The following F5 variants were observed in gnomAD, a reference collection of about 807,000 sequenced individuals.
F5 encodes the protein coagulation factor V.
A neutral mutation model predicts 216.4 loss-of-function variants in F5; 138 were observed. The ratio of observed to expected loss-of-function variants is 0.64; its 90% CI spans 0.56 to 0.73. The LOEUF is 0.73. F5 is among the 30% of genes least tolerant of loss of function. The pLI is 0.00. For missense variants in F5, 2,403 were observed against 2,674.0 expected, an observed-to-expected ratio of 0.90 and a Z score of 2.24; for synonymous variants, 916 against 930.7, an observed-to-expected ratio of 0.98 and a Z score of 0.29.
chr1:169,581,053 G>A (rs1660975149), intron 2 of F5, among the ~76,000 whole-genome samples: 1 of 152,152 alleles, frequency 6.6e-6, no homozygotes, highest in African/African-American at 2.4e-5. Context: ...AGGGAAAGTG[G>A]CTTCTGGGTA....
intron 18 of F5, 151 bp from the exon 19 acceptor site, chr1:169,525,059 A>C: frequency 1.5e-6 from 1 of 654,146 alleles, no homozygotes; most frequent in South Asian, 1.9e-5. Context: ...TCTGATTATA[A>C]AATGGTAAAT....
Position 169,518,503 on chromosome 1 carries a change from G to A in F5, c.6254C>T (p.Ser2085Phe). ...GKIENKQITA[S>F]SFKKSWWGDY... ...TCCCCACCAAGATTTCTTAAACGAA[G>A]AAGCTGTGATTTGCTTGTTTTCTAT... is the stretch of plus-strand genomic sequence containing the variant. The change falls in exon 23 of 25, where the codon TCT becomes TTT. Residue 2085 changes from serine (S) to phenylalanine (F), a missense_variant. Ser to Phe is a radical substitution (Grantham distance 155, BLOSUM62 -2). Transcript: ENST00000367797. 1 of 1,613,902 alleles carries A rather than the reference G, an allele frequency of 6.2e-7. No homozygotes were observed. Among genetic ancestry groups the A allele is most frequent in the African/African-American group, 1.3e-5 (1 of 75,012 alleles).
rs60015398 is a variant in F5 at position 169,550,288 on chromosome 1, A to ACCC, written c.1397-276_1397-274dup. ...AATGCTATCCCTCCCCCCGCCCCCC[A>ACCC]CCCCCCCCCCCCGACAGGCCCCGGT... On this transcript the variant is annotated intron_variant, in intron 9 of 24. Coordinates refer to ENST00000367797, the MANE Select transcript of F5 (RefSeq NM_000130.5). 2.2e-4 allele frequency among the ~76,000 whole-genome samples: 16 copies of ACCC among 72,254 alleles called. No individual in the cohort carries two copies. The South Asian group carries it at 2.8e-3, about 13-fold the overall frequency. The allele number at this position is 72,254 out of a possible 152,430, so 47.4% of individuals were successfully genotyped here. A position where few individuals can be genotyped will look rare whatever the true frequency, so the allele number is the denominator to read the frequency against.
chr1:169,546,959 T>A, intron 10 of F5, among the ~76,000 whole-genome samples: 1 of 114,714 alleles, frequency 8.7e-6, no homozygotes, highest in African/African-American at 3.3e-5. Flanking sequence ...GCAAAACCCG[T>A]CTCTACTAAA....
chr1:169,531,831 G>C lies in F5; in HGVS notation c.4972-809C>G, dbSNP rs79146645. ...GTGATTAAAGACTCCCTAATTGTCTGTTCCTTATTTTATTCTACAAAGCCA... is the reference window on the plus strand; with the variant it reads ...GTGATTAAAGACTCCCTAATTGTCTCTTCCTTATTTTATTCTACAAAGCCA... On this transcript the variant is annotated intron_variant, in intron 14 of 24. Coordinates refer to ENST00000367797, the MANE Select transcript of F5 (RefSeq NM_000130.5). Among the ~76,000 whole-genome samples, 865 of 152,138 alleles carry C rather than the reference G, an allele frequency of 5.7e-3. 13 individuals carry two copies. The highest frequency in any genetic ancestry group is 0.02 in the African/African-American group (827 of 41,518).
At chr1:169,516,931 G>C (rs1659168202) in intron 23 of F5, among the ~76,000 whole-genome samples, 1 of 152,106 alleles carries the variant, frequency 6.6e-6, no homozygotes, top group Non-Finnish European at 1.5e-5. Context: ...ATTATAGAGA[G>C]TGCAAATTTT....
chr1:169,558,955 G>T (rs531160420), intron 5 of F5, among the ~76,000 whole-genome samples, 198 bp downstream of exon 5: 26 of 151,706 alleles, frequency 1.7e-4, no homozygotes, highest in Admixed American at 1.7e-3. Context: ...TACCTAACAA[G>T]GCTGCACATT....
At chr1:169,582,306 C>A in intron 2 of F5, 125 bp downstream of exon 2, 1 of 532,934 alleles carries the variant, frequency 1.9e-6, no homozygotes, top group Non-Finnish European at 3.2e-6. Flanking sequence ...GTAGCCAGTA[C>A]TTCTTAAAAA....
At position 169,521,870 on chromosome 1, in the gene F5, C is replaced by T. The variant is rs531183322; in HGVS notation, c.6049-1206G>A. On this transcript the variant is annotated intron_variant, in intron 21 of 24. Transcript: ENST00000367797. Reference sequence around the variant, plus strand: ...TCTTGACCTCGTGATCTGCCCACCTCGGCCTCCCAAAGTGCTGGGATTACA... The same window carrying T: ...TCTTGACCTCGTGATCTGCCCACCTTGGCCTCCCAAAGTGCTGGGATTACA... Among the ~76,000 whole-genome samples the T allele has an allele frequency of 5.3e-5, 8 of 151,972 alleles. No individual in the cohort carries two copies. The East Asian group carries it at 1.4e-3, about 26-fold the overall frequency.
Position 169,541,192 on chromosome 1 carries a change from G to T in F5, c.3898C>A (p.His1300Asn), listed in dbSNP as rs752430491. ...CTGAGTTCTGGAGAGAGAGTCATAT[G>T]GCTGAGTTCTGGAGAGAGGTTTGTC... ...SQTNLSPELS[H>N]MTLSPELSQT... Residue 1300 changes from histidine (H) to asparagine (N), a missense_variant, in exon 13 of 25, where the codon CAT (histidine) becomes AAT (asparagine). Physicochemically the swap from His to Asn is moderately conservative, Grantham distance 68. This residue lies in a region of F5 where 26 missense variants were observed against 60.6 expected (regional missense o/e 0.43). Transcript: ENST00000367797. The T allele has an allele frequency of 5.6e-6, 9 of 1,609,200 alleles. No individual in the cohort carries two copies. In the East Asian group the frequency reaches 2.0e-4, roughly 36 times the overall value.
intron 1 of F5, among the ~76,000 whole-genome samples, chr1:169,585,062 C>A (rs1661072384): frequency 6.6e-6 from 1 of 152,216 alleles, no homozygotes; most frequent in Non-Finnish European, 1.5e-5. Flanking sequence ...TACTCATGAG[C>A]AGGCAAGATT....
At position 169,513,374 on chromosome 1, in the gene F5, G is replaced by A. The variant is rs1360930870; in HGVS notation, c.*939C>T. 6.6e-6 allele frequency among the ~76,000 whole-genome samples: 1 copy of A among 151,952 alleles called. No homozygotes were observed. The highest frequency in any genetic ancestry group is 1.5e-5 in the Non-Finnish European group (1 of 67,954). ...TTCCCCAGTTGTGCAATATCTACAG[G>A]ATCACTGAATGCCAAGTCCCCAGGG... On this transcript the variant is annotated 3_prime_UTR_variant, in exon 25 of 25. Coordinates refer to ENST00000367797, the MANE Select transcript of F5 (RefSeq NM_000130.5).
At chr1:169,572,406 C>T (rs542447623) in intron 2 of F5, 63 bp from the exon 3 acceptor site, 2 of 1,590,550 alleles carry the variant, frequency 1.3e-6, no homozygotes, top group South Asian at 1.1e-5. Context: ...AGTTGCTAAG[C>T]AAGAAAAACA....
chr1:169,524,711 T>G (rs1443870284), intron 19 of F5, 126 bp downstream of exon 19: 5 of 824,220 alleles, frequency 6.1e-6, no homozygotes, highest in Admixed American at 5.7e-5. Flanking sequence ...CTTCACTACA[T>G]TGTAGTAGAG....
intron 21 of F5, among the ~76,000 whole-genome samples, chr1:169,522,014 TC>T (rs1557906164): frequency 1.1e-4 from 16 of 151,740 alleles, no homozygotes; most frequent in African/African-American, 3.9e-4. Context: ...ACAGGCAAAA[TC>T]ACTACAAACA....
Position 169,534,777 on chromosome 1 carries a change from A to G in F5, c.4971+1729T>C, listed in dbSNP as rs143843158. Among the ~76,000 whole-genome samples, 55 of 152,310 alleles carry G rather than the reference A, an allele frequency of 3.6e-4. No homozygotes were observed. The East Asian group carries it at 6.7e-3, about 19-fold the overall frequency. ...TCACAGTAGCAAAGACATGGAATCAATCTAGGTGCCCATCAGTGGTGGACT... is the reference window on the plus strand; with the variant it reads ...TCACAGTAGCAAAGACATGGAATCAGTCTAGGTGCCCATCAGTGGTGGACT... On this transcript the variant is annotated intron_variant, in intron 14 of 24. Coordinates refer to ENST00000367797, the MANE Select transcript of F5 (RefSeq NM_000130.5).
At position 169,540,696 on chromosome 1, in the gene F5, T is replaced by C. The variant is rs984493250; in HGVS notation, c.4394A>G (p.Tyr1465Cys). 5 of 1,613,994 alleles carry C rather than the reference T, an allele frequency of 3.1e-6. No individual in the cohort carries two copies. Among genetic ancestry groups the C allele is most frequent in the Non-Finnish European group, 4.2e-6 (5 of 1,179,958 alleles). Residue 1465 changes from tyrosine to cysteine, a missense_variant, in exon 13 of 25, where the codon TAC becomes TGC. Tyr to Cys is a radical substitution (Grantham distance 194, BLOSUM62 -2). This residue lies in a region of F5 where 293 missense variants were observed against 270.8 expected (regional missense o/e 1.08). Coordinates refer to ENST00000367797, the MANE Select transcript of F5 (RefSeq NM_000130.5). Reference protein sequence around the residue: ...SPPPDLDQIFYPSESSQSLLL... With the variant: ...SPPPDLDQIFCPSESSQSLLL... The stretch of plus-strand genomic sequence containing the variant: ...CAATGACTGACTAGATTCAGAAGGG[T>C]AGAATATCTGATCAAGGTCTGGAGG...
At chr1:169,576,584 G>A (rs9332511) in intron 2 of F5, among the ~76,000 whole-genome samples, 37,131 of 151,824 alleles carry the variant, frequency 0.24, 5,294 homozygotes, top group South Asian at 0.36. Flanking sequence ...TTCCTTCCAC[G>A]GGGCAGGCTC....
chr1:169,564,705 C>A lies in F5; in HGVS notation c.374-3939G>T, dbSNP rs548550411. 3.3e-5 allele frequency among the ~76,000 whole-genome samples: 5 copies of A among 152,160 alleles called. No homozygotes were observed. In the South Asian group the frequency reaches 1.0e-3, roughly 32 times the overall value. ...TGTCAGCTTCCCTTCTTTAATTGTA[C>A]CTTTCCCCATCCCAACTGTGGAAAA... On this transcript the variant is annotated intron_variant, in intron 3 of 24. Transcript: ENST00000367797.
Sources: gnomAD v4.1 joint callset for allele counts (sites outside exome capture counted in the v4.1 genomes callset) on GRCh38, gnomAD v4.1.1 for gene constraint, gnomAD v4.1.1 regional missense constraint, MANE v1.5 for transcripts, NCBI Gene and HGNC (gene_info 2026-07-23, HGNC 2026-07-21) for gene names.